The following ROBO1 variants were observed in gnomAD, a reference collection of about 807,000 sequenced individuals.
ROBO1 encodes roundabout guidance receptor 1.
In ROBO1, 149 loss-of-function variants were observed where a neutral mutation model predicts 195.9. That is an observed-to-expected ratio of 0.76 (90% CI 0.67 to 0.87). The LOEUF is 0.87. Ranked by LOEUF, ROBO1 falls within the 40% of genes least tolerant of loss-of-function variation. The pLI, the probability that ROBO1 is intolerant of heterozygous loss-of-function variation, is 0.00. For missense variants in ROBO1, 1,933 were observed against 2,068.3 expected (o/e 0.93, Z 1.27); for synonymous variants, 816 against 733.2 (o/e 1.11, Z -1.82).
chr3:79,462,810 CAAGT>C (rs1407360683), intron 2 of ROBO1, among the ~76,000 whole-genome samples: 2 of 152,084 alleles, frequency 1.3e-5, no homozygotes, highest in Non-Finnish European at 2.9e-5. Context: ...TGTGAATAAA[CAAGT>C]GAGTAGATGA....
intron 2 of ROBO1, among the ~76,000 whole-genome samples, chr3:79,240,067 C>G (rs554527533): frequency 2.6e-5 from 4 of 151,922 alleles, no homozygotes; most frequent in Admixed American, 2.0e-4. Flanking sequence ...ATATTTAAAG[C>G]CTTTTAGCAA....
chr3:79,313,536 A>C (rs1178411781), intron 2 of ROBO1, among the ~76,000 whole-genome samples: 1 of 152,202 alleles, frequency 6.6e-6, no homozygotes, highest in Admixed American at 6.5e-5. Context: ...TGTTGTTCAA[A>C]TAGAAAAGAC....
chr3:79,082,306 C>T (rs1483901333), intron 3 of ROBO1, among the ~76,000 whole-genome samples: 1 of 152,014 alleles, frequency 6.6e-6, no homozygotes. Context: ...CCAGAAAAGT[C>T]ATATATTGTC....
intron 2 of ROBO1, among the ~76,000 whole-genome samples, chr3:79,177,352 G>A (rs2081275316): frequency 1.3e-5 from 2 of 152,190 alleles, no homozygotes; most frequent in African/African-American, 4.8e-5. Flanking sequence ...TTGCCAACAA[G>A]TGCATTGCCT....
intron 2 of ROBO1, among the ~76,000 whole-genome samples, chr3:79,397,758 AC>A (rs1263350348): frequency 6.6e-6 from 1 of 152,158 alleles, no homozygotes; most frequent in East Asian, 1.9e-4. Flanking sequence ...TAAAGTTTTG[AC>A]CAAAGGCTCG....
At chr3:79,006,757 G>T (rs866683976) in intron 3 of ROBO1, among the ~76,000 whole-genome samples, 2 of 115,236 alleles carry the variant, frequency 1.7e-5, no homozygotes, top group African/African-American at 6.3e-5. Context: ...CAAAATATCG[G>T]AAAAAAAAAA....
intron 3 of ROBO1, among the ~76,000 whole-genome samples, chr3:79,039,678 C>A (rs894820056): frequency 6.6e-6 from 1 of 151,236 alleles, no homozygotes; most frequent in Non-Finnish European, 1.5e-5. Flanking sequence ...GCCTGTAATC[C>A]CAGCTACTCG....
intron 3 of ROBO1, among the ~76,000 whole-genome samples, chr3:78,991,464 G>T (rs534304000): frequency 1.3e-5 from 2 of 152,292 alleles, no homozygotes; most frequent in Admixed American, 1.3e-4. Flanking sequence ...TCTTTCACTT[G>T]TCATCCCCTC....
At position 78,682,133 on chromosome 3, in the gene ROBO1, G is replaced by A. The variant is rs118067246; in HGVS notation, c.1342+3613C>T. Among the ~76,000 whole-genome samples the A allele has an allele frequency of 9.2e-5, 14 of 152,050 alleles. No homozygotes were observed. In the East Asian group the frequency reaches 2.7e-3, roughly 29 times the overall value. On this transcript the variant is annotated intron_variant, in intron 10 of 30. Coordinates refer to ENST00000464233, the MANE Select transcript of ROBO1 (RefSeq NM_002941.4). ...AGTCCTAGCCAACATTGTATCTGGTGGTAAAATATTAAATTTTTCCCCCCT... is the reference window on the plus strand; with the variant it reads ...AGTCCTAGCCAACATTGTATCTGGTAGTAAAATATTAAATTTTTCCCCCCT...
intron 4 of ROBO1, among the ~76,000 whole-genome samples, chr3:78,801,425 A>C (rs2084367468): frequency 6.6e-6 from 1 of 152,170 alleles, no homozygotes; most frequent in Admixed American, 6.5e-5. Context: ...GCTTATATAA[A>C]AATATTAATA....
At chr3:79,355,619 A>C (rs2035519670) in intron 2 of ROBO1, among the ~76,000 whole-genome samples, 1 of 152,170 alleles carries the variant, frequency 6.6e-6, no homozygotes, top group Admixed American at 6.5e-5. Context: ...TAATTCTATC[A>C]GAACAACATT....
intron 3 of ROBO1, among the ~76,000 whole-genome samples, chr3:78,970,627 T>C (rs1174642393): frequency 6.6e-6 from 1 of 152,176 alleles, no homozygotes; most frequent in African/African-American, 2.4e-5. Flanking sequence ...AAATAATCTA[T>C]AACCTAAACT....
In ROBO1 at chr3:78,963,666, C is replaced by T. The variant is rs375138019; in HGVS notation, c.173-24739G>A. On this transcript the variant is annotated intron_variant, in intron 3 of 30. Coordinates refer to ENST00000464233, the MANE Select transcript of ROBO1 (RefSeq NM_002941.4). ...CCGGAGTAGCTGGGACTTCAGGCGC[C>T]GCCACCACGCCTGGCTAATTTTTTG... 3.0e-4 allele frequency among the ~76,000 whole-genome samples: 46 copies of T among 151,620 alleles called. 1 individual carries two copies. Among genetic ancestry groups the T allele is most frequent in the African/African-American group, 1.0e-3 (42 of 41,364 alleles).
intron 2 of ROBO1, among the ~76,000 whole-genome samples, chr3:79,282,187 G>A (rs2031565667): frequency 6.6e-6 from 1 of 152,070 alleles, no homozygotes; most frequent in Non-Finnish European, 1.5e-5. Flanking sequence ...TATTTAGAGA[G>A]GAATTTCTGT....
intron 3 of ROBO1, among the ~76,000 whole-genome samples, chr3:78,942,952 C>T (rs563708991): frequency 2.2e-4 from 34 of 151,566 alleles, no homozygotes; most frequent in African/African-American, 7.7e-4. Flanking sequence ...CGGTGGGTCA[C>T]GCCTGTAATC....
intron 3 of ROBO1, among the ~76,000 whole-genome samples, chr3:79,117,649 C>T (rs1264202668): frequency 2.6e-5 from 4 of 152,284 alleles, no homozygotes; most frequent in South Asian, 2.1e-4. Context: ...GTAATACCCA[C>T]GTATATCACT....
chr3:78,798,944 T>C (rs1269208222), intron 4 of ROBO1, among the ~76,000 whole-genome samples: 1 of 152,086 alleles, frequency 6.6e-6, no homozygotes, highest in South Asian at 2.1e-4. Flanking sequence ...TCCAGAAAGA[T>C]AGAAAAATTA....
intron 4 of ROBO1, among the ~76,000 whole-genome samples, chr3:78,842,720 GT>G (rs954560922): frequency 2.7e-5 from 4 of 150,058 alleles, no homozygotes; most frequent in East Asian, 1.9e-4. Flanking sequence ...CTTTTGGTTA[GT>G]TTTTTTTTAA....
Position 79,707,397 on chromosome 3 carries a change from C to T in ROBO1, c.-51+60355G>A, listed in dbSNP as rs1057081860. Among the ~76,000 whole-genome samples, 9 of 152,026 alleles carry T rather than the reference C, an allele frequency of 5.9e-5. No individual in the cohort carries two copies. In the South Asian group the frequency reaches 8.3e-4, roughly 14 times the overall value. On this transcript the variant is annotated intron_variant, in intron 1 of 30. Transcript: ENST00000464233. ...CCTTGCCCATTTTTTTTCTTAGTAGCGTAGCTATACGTTTATAAATTTTAT... is the reference window on the plus strand; with the variant it reads ...CCTTGCCCATTTTTTTTCTTAGTAGTGTAGCTATACGTTTATAAATTTTAT...
Sources: gnomAD v4.1 joint callset for allele counts (sites outside exome capture counted in the v4.1 genomes callset) on GRCh38, gnomAD v4.1.1 for gene constraint, MANE v1.5 for transcripts, NCBI Gene and HGNC (gene_info 2026-07-23, HGNC 2026-07-21) for gene names.